NTM: variants seen among roughly 807,000 people sequenced by gnomAD.
The protein encoded by NTM is neurotrimin, also known as IgLON family member 2.
A neutral mutation model predicts 42.1 loss-of-function variants in NTM; 13 were observed. That is an observed-to-expected ratio of 0.31 (90% CI 0.20 to 0.49). The LOEUF is 0.49. NTM is among the 20% of genes least tolerant of loss of function. NTM has a pLI of 0.99. For missense variants in NTM, 373 were observed against 452.8 expected (o/e 0.82, Z 1.60); for synonymous variants, 187 against 179.2 (o/e 1.04, Z -0.35).
chr11:132,275,061 T>G (rs2139745496), intron 4 of NTM, among the ~76,000 whole-genome samples: 1 of 152,258 alleles, frequency 6.6e-6, no homozygotes, highest in South Asian at 2.1e-4. Flanking sequence ...TTTCTTAAGT[T>G]ATCTTTTGAT....
rs144560301 is a variant in NTM at position 131,893,504 on chromosome 11, G to A, written c.83-18060G>A. ...GCATTAACAGGCTGGGTCTGCCAAT[G>A]TCTATGAGAGTGAGGGAATAAACGA... On this transcript the variant is annotated intron_variant, in intron 1 of 8. Transcript: ENST00000683400. Among the ~76,000 whole-genome samples the A allele has an allele frequency of 1.4e-3, 218 of 152,328 alleles. 3 individuals carry two copies. The highest frequency in any genetic ancestry group is 4.8e-3 in the African/African-American group (200 of 41,576).
chr11:131,992,905 C>T (rs2067283971), intron 2 of NTM, among the ~76,000 whole-genome samples: 1 of 152,068 alleles, frequency 6.6e-6, no homozygotes, highest in Admixed American at 6.6e-5. Flanking sequence ...AAAAGATACC[C>T]ATTATATAAA....
chr11:131,508,801 C>T (rs373860767), intron 1 of NTM, among the ~76,000 whole-genome samples: 31 of 149,572 alleles, frequency 2.1e-4, no homozygotes, highest in South Asian at 1.7e-3. Context: ...AACCAAACAC[C>T]GCATATTCTC....
At chr11:131,674,409 C>T (rs1162118309) in intron 1 of NTM, among the ~76,000 whole-genome samples, 2 of 152,196 alleles carry the variant, frequency 1.3e-5, no homozygotes, top group East Asian at 1.9e-4. Flanking sequence ...AGCGGCTGGA[C>T]GTCCTTAGTG....
intron 4 of NTM, among the ~76,000 whole-genome samples, chr11:132,299,878 A>C (rs1300297163): frequency 2.0e-5 from 3 of 152,262 alleles, no homozygotes; most frequent in South Asian, 2.1e-4. Context: ...AGGAAATGTC[A>C]AGGAACTATG....
intron 1 of NTM, among the ~76,000 whole-genome samples, chr11:131,756,093 C>A (rs1345197397): frequency 6.6e-6 from 1 of 152,212 alleles, no homozygotes; most frequent in Non-Finnish European, 1.5e-5. Context: ...TGGGTTGCAT[C>A]TGAGCTATCA....
At chr11:131,422,256 C>T (rs1292056487) in intron 1 of NTM, among the ~76,000 whole-genome samples, 1 of 152,148 alleles carries the variant, frequency 6.6e-6, no homozygotes, top group Non-Finnish European at 1.5e-5. Flanking sequence ...GATGCCTGGC[C>T]AACTTCAATC....
At chr11:132,310,033 G>A (rs1591910558) in intron 5 of NTM, 79 bp from the exon 6 acceptor site, 1 of 1,467,070 alleles carries the variant, frequency 6.8e-7, no homozygotes, top group Non-Finnish European at 9.0e-7. Flanking sequence ...TCCAGCCTGA[G>A]CCACAAGAGC....
At chr11:131,751,263 G>A (rs772072365) in intron 1 of NTM, among the ~76,000 whole-genome samples, 61 of 151,510 alleles carry the variant, frequency 4.0e-4, no homozygotes, top group Admixed American at 4.6e-4. Context: ...GTGAAACCCC[G>A]TCTCTACTAA....
intron 1 of NTM, among the ~76,000 whole-genome samples, chr11:131,462,951 G>GAA (rs567178609): frequency 1.5e-5 from 2 of 137,810 alleles, no homozygotes; most frequent in African/African-American, 2.7e-5. Flanking sequence ...ATCTACTCAT[G>GAA]AAAAAAAAAA....
At chr11:132,083,261 G>C (rs772299637) in intron 2 of NTM, among the ~76,000 whole-genome samples, 2 of 152,204 alleles carry the variant, frequency 1.3e-5, no homozygotes, top group Admixed American at 6.5e-5. Flanking sequence ...TCTATGATTA[G>C]CTTTGAAACA....
At position 132,336,060 on chromosome 11, in the gene NTM, A is replaced by T. The variant is rs1427704835; in HGVS notation, c.*914A>T. 1.3e-5 allele frequency: 2 copies of T among 152,586 alleles called. No homozygotes were observed. Among genetic ancestry groups the T allele is most frequent in the African/African-American group, 4.8e-5 (2 of 41,432 alleles). The allele number at this position is 152,586 out of a possible 1,614,324, so 9.5% of individuals were successfully genotyped here. On this transcript the variant is annotated 3_prime_UTR_variant, in exon 9 of 9. Transcript: ENST00000683400. Reference sequence around the variant, plus strand: ...GCTACGGACTCCTCCCAATTCTGACATCTCTTGCAGACAATACTATGCTCT... The same window carrying T: ...GCTACGGACTCCTCCCAATTCTGACTTCTCTTGCAGACAATACTATGCTCT...
intron 1 of NTM, among the ~76,000 whole-genome samples, chr11:131,758,589 CTTTCTTTCT>C (rs1213551756): frequency 6.9e-6 from 1 of 145,806 alleles, no homozygotes; most frequent in Non-Finnish European, 1.5e-5. Context: ...TTTTTTCTTT[CTTTCTTTCT>C]TTTCTTTCTT....
At position 132,336,363 on chromosome 11, in the gene NTM, G is replaced by C. The variant is rs2095871934; in HGVS notation, c.*1217G>C. 6.7e-6 allele frequency: 1 copy of C among 150,348 alleles called. No individual in the cohort carries two copies. The highest frequency in any genetic ancestry group is 1.5e-5 in the Non-Finnish European group (1 of 67,670). The allele number at this position is 150,348 out of a possible 1,614,324, so 9.3% of individuals were successfully genotyped here. A position where few individuals can be genotyped will look rare whatever the true frequency, so the allele number is the denominator to read the frequency against. On this transcript the variant is annotated 3_prime_UTR_variant, in exon 9 of 9. Transcript: ENST00000683400. ...ATTTTCTTGGGTTATTTACATGTCA[G>C]AGACATTTATAAAAAGTGAAAGGAT...
intron 1 of NTM, among the ~76,000 whole-genome samples, chr11:131,642,380 G>A (rs1353270107): frequency 6.6e-6 from 1 of 152,142 alleles, no homozygotes; most frequent in Non-Finnish European, 1.5e-5. Context: ...ATAACAATTT[G>A]GGGAAGTGGG....
At chr11:131,438,610 A>G (rs1332274349) in intron 1 of NTM, among the ~76,000 whole-genome samples, 1 of 152,108 alleles carries the variant, frequency 6.6e-6, no homozygotes, top group East Asian at 1.9e-4. Context: ...CGTAGTTCTC[A>G]TGCCATGGTT....
At chr11:131,546,628 C>G (rs1016612543) in intron 1 of NTM, 1 of 152,218 alleles carries the variant, frequency 6.6e-6, no homozygotes, top group Non-Finnish European at 1.5e-5. Flanking sequence ...ACCTTGTTCC[C>G]GAGCAGTGAG....
At chr11:131,867,321 C>T (rs992296411) in intron 1 of NTM, among the ~76,000 whole-genome samples, 5 of 152,204 alleles carry the variant, frequency 3.3e-5, no homozygotes, top group South Asian at 2.1e-4. Flanking sequence ...AGGAGGAAAA[C>T]GCTGTGTGCG....
At chr11:131,428,930 C>T (rs1039177944) in intron 1 of NTM, among the ~76,000 whole-genome samples, 25 of 150,400 alleles carry the variant, frequency 1.7e-4, no homozygotes, top group African/African-American at 6.1e-4. Flanking sequence ...TGGTGGTTAC[C>T]TGTAATCCCA....
Sources: allele counts gnomAD v4.1 joint callset (sites outside exome capture counted in the v4.1 genomes callset), GRCh38; gene constraint gnomAD v4.1.1; transcripts MANE v1.5; gene names NCBI Gene and HGNC (gene_info 2026-07-23, HGNC 2026-07-21).